Variants in IL1RAPL1 observed in about 807,000 individuals in gnomAD.
The protein encoded by IL1RAPL1 is interleukin 1 receptor accessory protein like 1, also known as interleukin-1 receptor accessory protein-like 1.
Under a neutral mutation model 48.4 loss-of-function variants are expected in IL1RAPL1, and 3 were observed. The observed-to-expected ratio is 0.06, with a 90% CI of 0.03 to 0.16. The LOEUF is 0.16. Ranked by LOEUF, IL1RAPL1 falls within the 10% of genes least tolerant of loss-of-function variation. The pLI is 1.00. For missense variants in IL1RAPL1, 349 were observed against 530.6 expected, an observed-to-expected ratio of 0.66 and a Z score of 3.36; for synonymous variants, 185 against 187.7, an observed-to-expected ratio of 0.99 and a Z score of 0.12.
intron 1 of IL1RAPL1, among the ~76,000 whole-genome samples, chrX:28,738,904 A>G (rs1022420005): frequency 2.7e-5 from 3 of 110,994 alleles, no homozygotes; most frequent in African/African-American, 9.8e-5. Flanking sequence ...TCTAATTAGC[A>G]TCCTAATTAT....
At chrX:28,917,060 CTGATAAA>C (rs1178774091) in intron 2 of IL1RAPL1, among the ~76,000 whole-genome samples, 1 of 111,191 alleles carries the variant, frequency 9.0e-6, no homozygotes, top group African/African-American at 3.3e-5. Context: ...TGCGTCCTTT[CTGATAAA>C]TATCATTAAT....
At chrX:29,415,055 A>G (rs1934196834) in intron 5 of IL1RAPL1, among the ~76,000 whole-genome samples, 1 of 112,274 alleles carries the variant, frequency 8.9e-6, no homozygotes, top group African/African-American at 3.2e-5. Context: ...AGAGTAAAAT[A>G]TAACATAATA....
intron 6 of IL1RAPL1, among the ~76,000 whole-genome samples, chrX:29,728,252 C>A (rs1044005256): frequency 9.8e-5 from 11 of 111,699 alleles, no homozygotes; most frequent in African/African-American, 3.3e-4. Context: ...ACTATTCTTT[C>A]TTTTCTTTAC....
intron 6 of IL1RAPL1, among the ~76,000 whole-genome samples, chrX:29,813,162 G>A (rs753354456): frequency 1.5e-4 from 17 of 111,320 alleles, no homozygotes; most frequent in South Asian, 3.8e-4. Context: ...ATATATATCC[G>A]GGAAATATTA....
chrX:29,567,731 C>T (rs763938423), intron 5 of IL1RAPL1, among the ~76,000 whole-genome samples: 272 of 111,307 alleles, frequency 2.4e-3, no homozygotes, highest in African/African-American at 8.0e-3. Context: ...AAAAATGGCA[C>T]GTGAATTTTC....
At chrX:29,525,119 A>G (rs1935540211) in intron 5 of IL1RAPL1, among the ~76,000 whole-genome samples, 2 of 112,271 alleles carry the variant, frequency 1.8e-5, no homozygotes, top group Non-Finnish European at 3.8e-5. Context: ...CATTAGCCCA[A>G]GTACACTTGA....
intron 5 of IL1RAPL1, among the ~76,000 whole-genome samples, chrX:29,645,598 A>G (rs1447749815): frequency 2.7e-5 from 3 of 111,423 alleles, no homozygotes; most frequent in Non-Finnish European, 5.7e-5. Context: ...TGTAGCCCCT[A>G]TGAAATGGAA....
chrX:29,236,644 C>T (rs1194477320), intron 2 of IL1RAPL1, among the ~76,000 whole-genome samples: 1 of 63,350 alleles, frequency 1.6e-5, no homozygotes, highest in Admixed American at 1.8e-4. Context: ...GCTCCGCCTC[C>T]TGGGTTCACA....
chrX:29,854,660 C>A (rs1240447128), intron 6 of IL1RAPL1, among the ~76,000 whole-genome samples: 1 of 110,987 alleles, frequency 9.0e-6, no homozygotes, highest in Non-Finnish European at 1.9e-5. Flanking sequence ...TTAATTTTTT[C>A]TCTTATTCAA....
chrX:29,096,729 GT>G (rs1928223262), intron 2 of IL1RAPL1, among the ~76,000 whole-genome samples: 1 of 110,399 alleles, frequency 9.1e-6, no homozygotes, highest in African/African-American at 3.3e-5. Context: ...TTTAATATAT[GT>G]ATGAAGAAAG....
intron 2 of IL1RAPL1, among the ~76,000 whole-genome samples, chrX:28,822,621 G>A (rs1435641026): frequency 9.0e-6 from 1 of 111,675 alleles, no homozygotes; most frequent in East Asian, 2.8e-4. Flanking sequence ...GTTGCCATGG[G>A]ATATCTTATT....
At chrX:29,736,890 C>T (rs897372831) in intron 6 of IL1RAPL1, among the ~76,000 whole-genome samples, 5 of 111,352 alleles carry the variant, frequency 4.5e-5, no homozygotes, top group Admixed American at 2.9e-4. Flanking sequence ...AAAATATGCA[C>T]GTATCTTAAA....
chrX:29,156,662 A>T lies in IL1RAPL1; in HGVS notation c.83-126276A>T, dbSNP rs4893607. Among the ~76,000 whole-genome samples, 3 of 110,882 alleles carry T rather than the reference A, an allele frequency of 2.7e-5. No homozygotes were observed. In the South Asian group the frequency reaches 1.1e-3, roughly 42 times the overall value. On this transcript the variant is annotated intron_variant, in intron 2 of 10. Coordinates refer to ENST00000378993, the MANE Select transcript of IL1RAPL1 (RefSeq NM_014271.4). ...ATCTGTAGTCACAGCCCCTGAAAAC[A>T]TGCTCAGTTGCAAGTCATCACACTC...
chrX:29,129,874 G>A (rs1023789718), intron 2 of IL1RAPL1, among the ~76,000 whole-genome samples: 11 of 111,386 alleles, frequency 9.9e-5, no homozygotes, highest in African/African-American at 3.3e-4. Context: ...GATTACAGGC[G>A]TGAGCCACTG....
intron 6 of IL1RAPL1, among the ~76,000 whole-genome samples, chrX:29,801,073 A>C (rs1273359981): frequency 1.0e-5 from 1 of 96,161 alleles, no homozygotes; most frequent in Admixed American, 1.2e-4. Context: ...AAAAAAAAAA[A>C]AAAAAAACTC....
At chrX:29,261,350 C>CTCT (rs1931856329) in intron 2 of IL1RAPL1, among the ~76,000 whole-genome samples, 2 of 111,155 alleles carry the variant, frequency 1.8e-5, no homozygotes, top group Non-Finnish European at 1.9e-5. Context: ...ACCCTTCAGG[C>CTCT]TCTTTATAAA....
chrX:28,894,853 G>A (rs1385523401), intron 2 of IL1RAPL1, among the ~76,000 whole-genome samples: 2 of 110,998 alleles, frequency 1.8e-5, no homozygotes, highest in African/African-American at 6.6e-5. Flanking sequence ...GAAGGGATTG[G>A]GGTTTGGGAG....
At position 29,955,551 on chromosome X, in the gene IL1RAPL1, C is replaced by T; in HGVS notation, c.1822C>T (p.Arg608Cys). The change falls in exon 11 of 11, where the codon CGT becomes TGT. Residue 608 changes from arginine to cysteine, a missense_variant. Transcript: ENST00000378993. ...TALATAHPDL[R>C]STFHNTYHSQ... ...TCTAGCCACTGCCCATCCAGATCTCCGTTCTACCTTTCACAACACGTACCA... is the reference window on the plus strand; with the variant it reads ...TCTAGCCACTGCCCATCCAGATCTCTGTTCTACCTTTCACAACACGTACCA... The T allele has an allele frequency of 8.3e-7, 1 of 1,208,029 alleles. No homozygotes were observed. Among genetic ancestry groups the T allele is most frequent in the Non-Finnish European group, 1.1e-6 (1 of 893,427 alleles).
At chrX:29,171,312 G>T (rs56303603) in intron 2 of IL1RAPL1, among the ~76,000 whole-genome samples, 6,940 of 111,206 alleles carry the variant, frequency 0.062, 268 homozygotes, top group African/African-American at 0.14. Flanking sequence ...TAAGTCATAG[G>T]GTAAAATTGA....
Sources: allele counts gnomAD v4.1 joint callset (sites outside exome capture counted in the v4.1 genomes callset), GRCh38; gene constraint gnomAD v4.1.1; transcripts MANE v1.5; gene names NCBI Gene and HGNC (gene_info 2026-07-23, HGNC 2026-07-21).